Variants in DHX36 observed in about 807,000 individuals in gnomAD.
DHX36 encodes the protein DEAH-box helicase 36, also known as ATP-dependent DNA/RNA helicase DHX36.
DHX36 carries 50 observed loss-of-function variants against 139.0 expected under a neutral mutation model. That is an observed-to-expected ratio of 0.36 (90% CI 0.29 to 0.46). The LOEUF (loss-of-function observed/expected upper bound fraction) is 0.46, where lower values mean the gene tolerates loss of function less well. Ranked by LOEUF, DHX36 falls within the 20% of genes least tolerant of loss-of-function variation. The pLI is 1.00. For missense variants in DHX36, 1,024 were observed against 1,211.3 expected (o/e 0.85, Z 2.29); for synonymous variants, 425 against 401.9 (o/e 1.06, Z -0.69).
At chr3:154,280,730 A>C in intron 21 of DHX36, 33 bp downstream of exon 21, 1 of 1,606,256 alleles carries the variant, frequency 6.2e-7, no homozygotes. Context: ...AATAGACAAA[A>C]GATACTTATT....
At chr3:154,312,686 CAA>C (rs1020912024) in intron 3 of DHX36, among the ~76,000 whole-genome samples, 1 of 150,624 alleles carries the variant, frequency 6.6e-6, no homozygotes. Flanking sequence ...ACTAAAAATA[CAA>C]AAAGTTAGCT....
rs1719091182 is a variant in DHX36 at position 154,274,505 on chromosome 3, C to G, written c.*1666G>C. On this transcript the variant is annotated 3_prime_UTR_variant, in exon 25 of 25. Coordinates refer to ENST00000496811, the MANE Select transcript of DHX36 (RefSeq NM_020865.3). Reference sequence around the variant, plus strand: ...TGGTGAGTTCTATCTTTCCACTGAGCTAACCTCAGTCTGAGTCCGTGTCTC... The same window carrying G: ...TGGTGAGTTCTATCTTTCCACTGAGGTAACCTCAGTCTGAGTCCGTGTCTC... 1 of 152,386 alleles carries G rather than the reference C, an allele frequency of 6.6e-6. No homozygotes were observed. The highest frequency in any genetic ancestry group is 2.4e-5 in the African/African-American group (1 of 41,450). The allele number at this position is 152,386 out of a possible 1,614,324, so 9.4% of individuals were successfully genotyped here. A position where few individuals can be genotyped will look rare whatever the true frequency, so the allele number is the denominator to read the frequency against.
chr3:154,286,042 C>A (rs1347236777), intron 17 of DHX36, among the ~76,000 whole-genome samples: 1 of 151,418 alleles, frequency 6.6e-6, no homozygotes, highest in African/African-American at 2.4e-5. Context: ...TAACTGAATA[C>A]ATGAACCAAC....
At chr3:154,322,816 T>C (rs1156393614) in intron 1 of DHX36, among the ~76,000 whole-genome samples, 1 of 152,232 alleles carries the variant, frequency 6.6e-6, no homozygotes, top group Non-Finnish European at 1.5e-5. Context: ...AAACCTTGTT[T>C]CAAACAGAGC....
At position 154,288,886 on chromosome 3, in the gene DHX36, T is replaced by C. The variant is rs763701497; in HGVS notation, c.2011A>G (p.Ile671Val). 5.1e-6 allele frequency: 8 copies of C among 1,580,378 alleles called. No homozygotes were observed. The highest frequency in any genetic ancestry group is 4.1e-5 in the African/African-American group (3 of 73,966). The change falls in exon 17 of 25, where the codon ATA becomes GTA. Residue 671 changes from isoleucine (I) to valine (V), a missense_variant. By Grantham distance (29) the Ile-to-Val change is conservative (BLOSUM62 3). Coordinates refer to ENST00000496811, the MANE Select transcript of DHX36 (RefSeq NM_020865.3). Reference protein sequence around the residue: ...PPSNEAVLLSIRHLMELNALD... With the variant: ...PPSNEAVLLSVRHLMELNALD... ...TTTACCAGCTCCATCAGGTGTCTTA[T>C]GGAGAGTAACACTGCCTCATTTGAT...
rs1263556631 is a variant in DHX36, at chr3:154,283,239, T to C, written c.2325A>G (p.Arg775=). 1 of 1,613,902 alleles carries C rather than the reference T, an allele frequency of 6.2e-7. No individual in the cohort carries two copies. Among genetic ancestry groups the C allele is most frequent in the Non-Finnish European group, 8.5e-7 (1 of 1,179,804 alleles). ...ATTCCCAGCAATAGTCCTTTTCGTA[T>C]CTGAAACCACGTCGCCTAGCCTCTT... ...GWEEARRRGF[R]YEKDYCWEYF... The change falls in exon 20 of 25, where the codon AGA becomes AGG. Residue 775 remains arginine (R), a synonymous_variant. Coordinates refer to ENST00000496811, the MANE Select transcript of DHX36 (RefSeq NM_020865.3).
chr3:154,293,773 T>C lies in DHX36; in HGVS notation c.1645A>G (p.Ile549Val), dbSNP rs775911753. The C allele has an allele frequency of 1.9e-6, 3 of 1,613,248 alleles. No homozygotes were observed. The Admixed American group carries it at 5.0e-5, about 27-fold the overall frequency. The change falls in exon 14 of 25, where the codon ATT (isoleucine) becomes GTT (valine). Residue 549 changes from isoleucine to valine, a missense_variant. Ile to Val is a conservative substitution (Grantham distance 29). Coordinates refer to ENST00000496811, the MANE Select transcript of DHX36 (RefSeq NM_020865.3). ...CTAGTCTCCGCAATGTTGGTAGCAA[T>C]TACTATTTTCCGAACACCAGGAGGG... ...RTPPGVRKIV[I>V]ATNIAETSIT...
chr3:154,301,201 T>C, intron 9 of DHX36, 74 bp from the exon 10 acceptor site: 2 of 1,410,104 alleles, frequency 1.4e-6, no homozygotes, highest in South Asian at 1.4e-5. Context: ...TGACATTTTA[T>C]ATTTAGGATT....
Position 154,324,328 on chromosome 3 carries a change from T to A in DHX36, c.89A>T (p.His30Leu), listed in dbSNP as rs762496026. The A allele has an allele frequency of 1.5e-5, 24 of 1,609,562 alleles. No individual in the cohort carries two copies. The highest frequency in any genetic ancestry group is 1.8e-5 in the Non-Finnish European group (21 of 1,178,086). Residue 30 changes from histidine (H) to leucine (L), a missense_variant, in exon 1 of 25, where the codon CAT (histidine) becomes CTT (leucine). This residue lies in a region of DHX36 where 293 missense variants were observed against 274.4 expected (regional missense o/e 1.07). Coordinates refer to ENST00000496811, the MANE Select transcript of DHX36 (RefSeq NM_020865.3). ...GGYGGGPAGG[H>L]GGNRGSGGGG... ...TCCTCCGGAGCCTCGGTTACCTCCA[T>A]GACCCCCTGCTGGCCCCCCTCCATA... is the stretch of plus-strand genomic sequence containing the variant.
In DHX36 at chr3:154,288,775, T is replaced by C. The variant is rs956547199; in HGVS notation, c.2031+91A>G. ...TTGGCATTGGACATTATTGGTCTAC[T>C]TTGCAGTAATGAGAGTAAACATTAT... On this transcript the variant is annotated intron_variant, in intron 17 of 24. Transcript: ENST00000496811. 29 of 633,180 alleles carry C rather than the reference T, an allele frequency of 4.6e-5. No individual in the cohort carries two copies. The highest frequency in any genetic ancestry group is 7.1e-5 in the Non-Finnish European group (29 of 408,768). The allele number at this position is 633,180 out of a possible 1,614,324, so 39.2% of individuals were successfully genotyped here.
At chr3:154,294,105 C>T (rs1711934011) in intron 13 of DHX36, among the ~76,000 whole-genome samples, 1 of 152,034 alleles carries the variant, frequency 6.6e-6, no homozygotes, top group Admixed American at 6.6e-5. Flanking sequence ...TTAACAAAAG[C>T]TGGAGGTTAT....
intron 17 of DHX36, among the ~76,000 whole-genome samples, chr3:154,285,829 T>A: frequency 6.6e-6 from 1 of 151,708 alleles, no homozygotes. Context: ...TTAAAAGACC[T>A]CTTTCAAATA....
chr3:154,296,920 AC>A (rs1712068521), intron 12 of DHX36, among the ~76,000 whole-genome samples: 1 of 152,258 alleles, frequency 6.6e-6, no homozygotes, highest in Non-Finnish European at 1.5e-5. Context: ...ATGAAATATT[AC>A]AACTATAATA....
Position 154,305,212 on chromosome 3 carries a change from C to A in DHX36, c.894-44G>T. 4 of 1,512,946 alleles carry A rather than the reference C, an allele frequency of 2.6e-6. No individual in the cohort carries two copies. The South Asian group carries it at 3.6e-5, about 14-fold the overall frequency. The allele number at this position is 1,512,946 out of a possible 1,614,324, so 93.7% of individuals were successfully genotyped here. A position where few individuals can be genotyped will look rare whatever the true frequency, so the allele number is the denominator to read the frequency against. ...AATTAATAAGCCTTGGTTTTCTCTT[C>A]TAATAATTAACTACCACAAAGGTTT... On this transcript the variant is annotated intron_variant, in intron 6 of 24. Coordinates refer to ENST00000496811, the MANE Select transcript of DHX36 (RefSeq NM_020865.3).
intron 19 of DHX36, among the ~76,000 whole-genome samples, chr3:154,283,814 G>A (rs1160206910): frequency 6.6e-6 from 1 of 152,062 alleles, no homozygotes; most frequent in Non-Finnish European, 1.5e-5. Context: ...ACCAAGATAG[G>A]TGATAAATGT....
intron 14 of DHX36, 24 bp from the exon 15 acceptor site, chr3:154,292,718 A>C: frequency 6.3e-7 from 1 of 1,592,804 alleles, no homozygotes; most frequent in Non-Finnish European, 8.5e-7. Flanking sequence ...AGATATATAA[A>C]ATGTTAAAAC....
chr3:154,313,681 A>AAT (rs553827407), intron 3 of DHX36, among the ~76,000 whole-genome samples: 57 of 151,946 alleles, frequency 3.8e-4, no homozygotes, highest in South Asian at 1.7e-3. Flanking sequence ...CCCTGTCTTA[A>AAT]ATATATATAT....
chr3:154,293,377 T>TA (rs1435853800), intron 14 of DHX36, among the ~76,000 whole-genome samples: 16 of 152,210 alleles, frequency 1.1e-4, no homozygotes, highest in African/African-American at 3.9e-4. Flanking sequence ...GCCCAGGAGT[T>TA]AGAGATCAGC....
chr3:154,322,566 C>T (rs1294510543), intron 1 of DHX36, among the ~76,000 whole-genome samples: 1 of 152,112 alleles, frequency 6.6e-6, no homozygotes, highest in African/African-American at 2.4e-5. Context: ...TCTCATTTGG[C>T]CTTGCCAAGT....
Sources: allele counts gnomAD v4.1 joint callset (sites outside exome capture counted in the v4.1 genomes callset), GRCh38; gene constraint gnomAD v4.1.1; regional missense constraint gnomAD v4.1.1; transcripts MANE v1.5; gene names NCBI Gene and HGNC (gene_info 2026-07-23, HGNC 2026-07-21).